Variants in POLR1E observed in about 807,000 individuals in gnomAD.
POLR1E encodes DNA-directed RNA polymerase I subunit RPA49.
Under a neutral mutation model 50.9 loss-of-function variants are expected in POLR1E, and 37 were observed. That is an observed-to-expected ratio of 0.73 (90% confidence interval 0.56 to 0.96). The LOEUF (loss-of-function observed/expected upper bound fraction) is 0.96. Among genes scored for constraint, POLR1E ranks in the 40% least tolerant of loss-of-function variants. The pLI is 0.00. For synonymous variants in POLR1E, 166 were observed against 191.6 expected (o/e 0.87, Z 1.10); for missense variants, 426 against 518.1 (o/e 0.82, Z 1.73).
At chr9:37,487,106 A>G (rs892829041) in intron 2 of POLR1E, among the ~76,000 whole-genome samples, 15 of 152,086 alleles carry the variant, frequency 9.9e-5, no homozygotes, top group Admixed American at 5.9e-4. Flanking sequence ...GGGTTTCTCA[A>G]CCTCAGGACT....
chr9:37,502,986 T>A lies in POLR1E; in HGVS notation c.1101-57T>A. The A allele has an allele frequency of 2.0e-6, 3 of 1,517,916 alleles. No individual in the cohort carries two copies. In the South Asian group the frequency reaches 3.9e-5, roughly 20 times the overall value. 94.0% of individuals were successfully genotyped at this position (1,517,916 alleles called of 1,614,324 possible). Reference sequence around the variant, plus strand: ...ATGTGCTGCTACCTTTTGCCAAACCTCCCTGAACAGTCATGTTGAGGGGTC... The same window carrying A: ...ATGTGCTGCTACCTTTTGCCAAACCACCCTGAACAGTCATGTTGAGGGGTC... On this transcript the variant is annotated intron_variant, in intron 11 of 11. Transcript: ENST00000377798.
chr9:37,492,095 T>TTA (rs397753081), intron 4 of POLR1E, among the ~76,000 whole-genome samples: 3 of 152,110 alleles, frequency 2.0e-5, no homozygotes, highest in East Asian at 1.9e-4. Flanking sequence ...GTTCTTTTTT[T>TTA]ACCAGTGATG....
At chr9:37,486,446 C>G in intron 1 of POLR1E, 1 of 1,548,786 alleles carries the variant, frequency 6.5e-7, no homozygotes, top group Non-Finnish European at 8.7e-7. Flanking sequence ...TAGGTATGTA[C>G]CAGGCCTCTG....
intron 11 of POLR1E, 23 bp downstream of exon 11, chr9:37,501,867 C>T: frequency 6.2e-7 from 1 of 1,606,400 alleles, no homozygotes; most frequent in South Asian, 1.1e-5. Flanking sequence ...GAATAAAGAG[C>T]TCCCTGCAGG....
chr9:37,491,200 C>T (rs1820677417), intron 4 of POLR1E, among the ~76,000 whole-genome samples: 2 of 152,138 alleles, frequency 1.3e-5, no homozygotes. Context: ...GGCTTCTGTT[C>T]CTTAAATCTC....
chr9:37,491,963 G>A (rs1820693593), intron 4 of POLR1E, among the ~76,000 whole-genome samples: 8 of 152,174 alleles, frequency 5.3e-5, no homozygotes, highest in Admixed American at 5.2e-4. Context: ...TAAGAAGTTT[G>A]TAAATATGAG....
At chr9:37,493,522 G>C (rs927434872) in intron 5 of POLR1E, 37 bp from the exon 6 acceptor site, 1 of 1,536,454 alleles carries the variant, frequency 6.5e-7, no homozygotes, top group African/African-American at 1.4e-5. Flanking sequence ...GCACCTACCT[G>C]TCCTGTCCCC....
At chr9:37,502,649 G>A (rs989087506) in intron 11 of POLR1E, among the ~76,000 whole-genome samples, 8 of 152,168 alleles carry the variant, frequency 5.3e-5, no homozygotes, top group African/African-American at 1.9e-4. Context: ...TGTTCTGAGG[G>A]CTGTCCACAA....
intron 3 of POLR1E, among the ~76,000 whole-genome samples, chr9:37,489,030 G>A (rs1820628979): frequency 6.6e-6 from 1 of 152,126 alleles, no homozygotes; most frequent in Non-Finnish European, 1.5e-5. Flanking sequence ...CCTGAGGTCA[G>A]GAGTTCGAGA....
At chr9:37,501,919 G>T in intron 11 of POLR1E, 75 bp downstream of exon 11, 1 of 1,481,222 alleles carries the variant, frequency 6.8e-7, no homozygotes. Context: ...GAAAGCATGA[G>T]GCACCACCAA....
chr9:37,497,603 G>A (rs1588804913), intron 8 of POLR1E, among the ~76,000 whole-genome samples: 1 of 152,162 alleles, frequency 6.6e-6, no homozygotes, highest in African/African-American at 2.4e-5. Flanking sequence ...GCCTGCTTTC[G>A]CACTACGATG....
chr9:37,486,560 G>A lies in POLR1E; in HGVS notation c.77-143G>A, dbSNP rs758716196. 92 of 1,598,336 alleles carry A rather than the reference G, an allele frequency of 5.8e-5. No individual in the cohort carries two copies. The South Asian group carries it at 9.6e-4, about 17-fold the overall frequency. On this transcript the variant is annotated intron_variant, in intron 1 of 11. Transcript: ENST00000377798. ...CTCAGCTGGCCCCGGATCTCCTCCA[G>A]TTCCCTTTGGGTCAGGACCCGAGCT...
intron 9 of POLR1E, 32 bp downstream of exon 9, chr9:37,498,256 G>T: frequency 6.3e-7 from 1 of 1,588,136 alleles, no homozygotes; most frequent in Non-Finnish European, 8.6e-7. Flanking sequence ...TATTCTAATT[G>T]TTTCCAGTAT....
intron 3 of POLR1E, 118 bp downstream of exon 3, chr9:37,488,057 A>G (rs1564322052): frequency 1.1e-6 from 1 of 949,572 alleles, no homozygotes; most frequent in Non-Finnish European, 1.6e-6. Flanking sequence ...GAGGTTTACT[A>G]GGTGATCCCT....
intron 9 of POLR1E, among the ~76,000 whole-genome samples, chr9:37,499,023 ACCT>A (rs1275773213): frequency 6.6e-6 from 1 of 152,192 alleles, no homozygotes; most frequent in African/African-American, 2.4e-5. Context: ...TAGGCTGCAA[ACCT>A]ATACAGCATG....
chr9:37,486,449 G>A, intron 1 of POLR1E: 2 of 1,549,416 alleles, frequency 1.3e-6, no homozygotes. Flanking sequence ...GTATGTACCA[G>A]GCCTCTGCTG....
chr9:37,496,009 G>T, intron 8 of POLR1E, 23 bp downstream of exon 8: 1 of 1,578,724 alleles, frequency 6.3e-7, no homozygotes, highest in Non-Finnish European at 8.7e-7. Flanking sequence ...AAGCAGATGG[G>T]GATTCTGGGG....
intron 1 of POLR1E, 107 bp from the exon 2 acceptor site, chr9:37,486,596 C>T: frequency 1.9e-6 from 3 of 1,613,624 alleles, no homozygotes; most frequent in South Asian, 1.1e-5. Flanking sequence ...TCCTTGCCAT[C>T]CCCATTCTGA....
At chr9:37,490,672 A>G in intron 4 of POLR1E, 1 of 703,844 alleles carries the variant, frequency 1.4e-6, no homozygotes. Context: ...TTGTTTGTTT[A>G]CAACAATGCC....
Sources: gnomAD v4.1 joint callset for allele counts (sites outside exome capture counted in the v4.1 genomes callset) on GRCh38, gnomAD v4.1.1 for gene constraint, MANE v1.5 for transcripts, NCBI Gene and HGNC (gene_info 2026-07-23, HGNC 2026-07-21) for gene names.